The following RAB11FIP4 variants were observed in gnomAD, a reference collection of about 807,000 sequenced individuals.
RAB11FIP4 encodes the protein RAB11 family interacting protein 4.
A neutral mutation model predicts 74.3 loss-of-function variants in RAB11FIP4; 23 were observed. That is an observed-to-expected ratio of 0.31 (90% CI 0.22 to 0.44). The LOEUF (loss-of-function observed/expected upper bound fraction) is 0.44. RAB11FIP4 is among the 20% of genes least tolerant of loss of function. RAB11FIP4 has a pLI of 1.00. For synonymous variants in RAB11FIP4, 360 were observed against 359.9 expected (o/e 1.00, Z 0.00); for missense variants, 630 against 863.9 (o/e 0.73, Z 3.39).
chr17:31,494,116 A>C (rs2142757804), intron 3 of RAB11FIP4, among the ~76,000 whole-genome samples: 1 of 152,272 alleles, frequency 6.6e-6, no homozygotes, highest in East Asian at 1.9e-4. Flanking sequence ...TCTGGCCTTT[A>C]CTTAGTTGAC....
At chr17:31,456,951 G>A (rs757045) in intron 3 of RAB11FIP4, among the ~76,000 whole-genome samples, 1,572 of 152,234 alleles carry the variant, frequency 0.01, 24 homozygotes, top group African/African-American at 0.031. Context: ...AAGCCGAAAG[G>A]GTTGTTCTTT....
Position 31,391,903 on chromosome 17 carries a change from C to A in RAB11FIP4, c.51C>A (p.Ser17=). 7.6e-7 allele frequency: 1 copy of A among 1,319,404 alleles called. No homozygotes were observed. The highest frequency in any genetic ancestry group is 3.3e-5 in the East Asian group (1 of 30,276). 81.7% of individuals were successfully genotyped at this position (1,319,404 alleles called of 1,614,324 possible). The part of the protein sequence containing the change: ...WSGAPAALLR[S]VRRLREVFEV... ...GCGCCCCCGCGGCTCTGCTGCGCTC[C>A]GTGCGCCGCCTGCGCGAGGTGTTCG... Residue 17 remains serine, a synonymous_variant, in exon 1 of 15, where the codon TCC becomes TCA. Coordinates refer to ENST00000621161, the MANE Select transcript of RAB11FIP4 (RefSeq NM_032932.6).
At chr17:31,498,414 A>C (rs1313608427) in intron 3 of RAB11FIP4, among the ~76,000 whole-genome samples, 2 of 152,186 alleles carry the variant, frequency 1.3e-5, no homozygotes, top group Non-Finnish European at 2.9e-5. Context: ...CATGGGGGCT[A>C]TGTGCTGATG....
At chr17:31,421,644 C>G (rs1376417963) in intron 1 of RAB11FIP4, among the ~76,000 whole-genome samples, 1 of 151,436 alleles carries the variant, frequency 6.6e-6, no homozygotes, top group Non-Finnish European at 1.5e-5. Flanking sequence ...GCAAACTTCG[C>G]CTCCTGGGTT....
intron 3 of RAB11FIP4, among the ~76,000 whole-genome samples, chr17:31,508,611 C>T (rs538429853): frequency 1.3e-5 from 2 of 152,306 alleles, no homozygotes; most frequent in African/African-American, 2.4e-5. Context: ...GCACGCGGCC[C>T]GGGTCGGCCT....
chr17:31,505,498 ATTATATTATATATAATAAT>A (rs2072308769), intron 3 of RAB11FIP4, among the ~76,000 whole-genome samples: 1 of 84,302 alleles, frequency 1.2e-5, no homozygotes, highest in Non-Finnish European at 2.2e-5. Context: ...ATATATAATT[ATTATATTATATATAATAAT>A]TATATATTAT....
Position 31,391,861 on chromosome 17 carries a change from C to T in RAB11FIP4, c.9C>T (p.Gly3=). Residue 3 remains glycine, a synonymous_variant, in exon 1 of 15, where the codon GGC becomes GGT. Transcript: ENST00000621161. MA[G]GAGWSGAPAA... ...GCTGCGGGCCGGCCCGGATGGCGGG[C>T]GGCGCGGGCTGGTCGGGCGCCCCCG... 1.8e-6 allele frequency: 2 copies of T among 1,135,624 alleles called. No individual in the cohort carries two copies. Among genetic ancestry groups the T allele is most frequent in the Non-Finnish European group, 2.2e-6 (2 of 929,450 alleles). 70.3% of individuals were successfully genotyped at this position (1,135,624 alleles called of 1,614,324 possible). A position where few individuals can be genotyped will look rare whatever the true frequency, so the allele number is the denominator to read the frequency against.
chr17:31,480,658 C>T (rs1413861861), intron 3 of RAB11FIP4, among the ~76,000 whole-genome samples: 1 of 151,756 alleles, frequency 6.6e-6, no homozygotes, highest in East Asian at 1.9e-4. Flanking sequence ...TGTGGTGGCA[C>T]GTGCCTGTGA....
At chr17:31,524,945 A>G in intron 9 of RAB11FIP4, 145 bp from the exon 10 acceptor site, 1 of 921,066 alleles carries the variant, frequency 1.1e-6, no homozygotes, top group Non-Finnish European at 1.7e-6. Context: ...GTCCCCGTTC[A>G]TCTCTCTGAA....
At chr17:31,510,152 C>T (rs1381100684) in intron 3 of RAB11FIP4, among the ~76,000 whole-genome samples, 1 of 152,206 alleles carries the variant, frequency 6.6e-6, no homozygotes, top group Admixed American at 6.5e-5. Context: ...CATCCCTTCC[C>T]TGTGGACCTG....
intron 1 of RAB11FIP4, among the ~76,000 whole-genome samples, chr17:31,396,964 G>T (rs1043436067): frequency 1.3e-5 from 2 of 152,176 alleles, no homozygotes; most frequent in African/African-American, 2.4e-5. Flanking sequence ...TGCTATGGGG[G>T]AATTGCTAGT....
At chr17:31,438,782 C>T (rs372064737) in intron 3 of RAB11FIP4, among the ~76,000 whole-genome samples, 3 of 152,152 alleles carry the variant, frequency 2.0e-5, no homozygotes, top group Non-Finnish European at 4.4e-5. Flanking sequence ...TCCTCCCTCC[C>T]GCTTCCTTGT....
At chr17:31,473,106 T>C (rs1003833695) in intron 3 of RAB11FIP4, among the ~76,000 whole-genome samples, 6 of 151,612 alleles carry the variant, frequency 4.0e-5, no homozygotes, top group Non-Finnish European at 7.4e-5. Context: ...GCTTGGCTGT[T>C]TGGTGGCTGA....
In RAB11FIP4 at chr17:31,535,279, A is replaced by G. The variant is rs79289267; in HGVS notation, c.*3547A>G. ...ACCAAAAGTTAAAAAAAAAAAAAAA[A>G]AAGCTCAAGAACCTGCACGAGGGCC... is the stretch of plus-strand genomic sequence containing the variant. On this transcript the variant is annotated 3_prime_UTR_variant, in exon 15 of 15. Coordinates refer to ENST00000621161, the MANE Select transcript of RAB11FIP4 (RefSeq NM_032932.6). 1 of 151,888 alleles carries G rather than the reference A, an allele frequency of 6.6e-6. No individual in the cohort carries two copies. The highest frequency in any genetic ancestry group is 1.5e-5 in the Non-Finnish European group (1 of 67,980). 9.4% of individuals were successfully genotyped at this position (151,888 alleles called of 1,614,324 possible).
chr17:31,521,225 C>T lies in RAB11FIP4; in HGVS notation c.623C>T (p.Ser208Leu), dbSNP rs201037647. 4.3e-6 allele frequency: 7 copies of T among 1,613,830 alleles called. No individual in the cohort carries two copies. The East Asian group carries it at 6.7e-5, about 15-fold the overall frequency. Residue 208 changes from serine (S) to leucine (L), a missense_variant, in exon 5 of 15, where the codon TCG becomes TTG. Transcript: ENST00000621161. The stretch of plus-strand genomic sequence containing the variant: ...GACCTTTCTACACACTCCACCACCT[C>T]GCTCATCAGCAATGAGGAGCAGTTT... ...TSDLSTHSTT[S>L]LISNEEQFED...
At chr17:31,525,059 C>T (rs2072739727) in intron 9 of RAB11FIP4, 31 bp from the exon 10 acceptor site, 1 of 1,549,540 alleles carries the variant, frequency 6.5e-7, no homozygotes, top group African/African-American at 1.4e-5. Flanking sequence ...TGGTGCAGGC[C>T]CCAAGAGCTT....
At position 31,522,003 on chromosome 17, in the gene RAB11FIP4, C is replaced by T. The variant is rs771464319; in HGVS notation, c.847C>T (p.Leu283=). The T allele has an allele frequency of 1.2e-6, 2 of 1,614,174 alleles. No individual in the cohort carries two copies. The highest frequency in any genetic ancestry group is 2.2e-5 in the South Asian group (2 of 91,086). The change falls in exon 6 of 15, where the codon CTG becomes TTG. Residue 283 remains leucine (L), a synonymous_variant. Transcript: ENST00000621161. ...CTCTCAATGCTGCAAGAAAATCAAC[C>T]TGCTCAATGACTTGGAAGCCCGACT... ...YCSQCCKKIN[L]LNDLEARLKN...
intron 1 of RAB11FIP4, chr17:31,431,534 A>G: frequency 2.7e-6 from 1 of 375,142 alleles, no homozygotes; most frequent in Non-Finnish European, 4.8e-6. Context: ...TTCATTGTGC[A>G]GTCCCTGGGG....
Position 31,458,952 on chromosome 17 carries a change from A to G in RAB11FIP4, c.336+24830A>G, listed in dbSNP as rs190996437. ...TCATGTGTGTGAATCTGGTCCCTCTATTAGCCAGGGTCACTGCTACCTAAC... is the reference window on the plus strand; with the variant it reads ...TCATGTGTGTGAATCTGGTCCCTCTGTTAGCCAGGGTCACTGCTACCTAAC... On this transcript the variant is annotated intron_variant, in intron 3 of 14. Coordinates refer to ENST00000621161, the MANE Select transcript of RAB11FIP4 (RefSeq NM_032932.6). Among the ~76,000 whole-genome samples, 16 of 152,296 alleles carry G rather than the reference A, an allele frequency of 1.1e-4. No homozygotes were observed. The East Asian group carries it at 2.5e-3, about 24-fold the overall frequency.
Sources: gnomAD v4.1 joint callset for allele counts (sites outside exome capture counted in the v4.1 genomes callset) on GRCh38, gnomAD v4.1.1 for gene constraint, MANE v1.5 for transcripts, NCBI Gene and HGNC (gene_info 2026-07-23, HGNC 2026-07-21) for gene names.